Variants in PCDHGB3 observed in about 807,000 individuals in gnomAD.
PCDHGB3 encodes protocadherin gamma subfamily B, 3, also known as protocadherin gamma-B3.
In PCDHGB3, 40 loss-of-function variants were observed where a neutral mutation model predicts 59.2. The observed-to-expected ratio is 0.68, with a 90% CI of 0.52 to 0.88. The LOEUF (loss-of-function observed/expected upper bound fraction) is 0.88, where lower values mean the gene tolerates loss of function less well. Among genes scored for constraint, PCDHGB3 ranks in the 40% least tolerant of loss-of-function variants. PCDHGB3 has a pLI of 0.00. For synonymous variants in PCDHGB3, 581 were observed against 503.6 expected, an observed-to-expected ratio of 1.15 and a Z score of -2.06; for missense variants, 1,309 against 1,187.9, an observed-to-expected ratio of 1.10 and a Z score of -1.50.
rs1590066119 is a variant in PCDHGB3, at chr5:141,417,816, C to G, written c.2415+45007C>G. On this transcript the variant is annotated intron_variant, in intron 1 of 3. Transcript: ENST00000576222. ...CTTTTAGCGCGGTAGAGTGCACTTT[C>G]TCCAACTGGAAAAGCGGGGACCCAG... is the stretch of plus-strand genomic sequence containing the variant. 3 of 1,511,044 alleles carry G rather than the reference C, an allele frequency of 2.0e-6. No homozygotes were observed. The East Asian group carries it at 7.4e-5, about 37-fold the overall frequency. 93.6% of individuals were successfully genotyped at this position (1,511,044 alleles called of 1,614,324 possible).
intron 1 of PCDHGB3, chr5:141,427,749 A>G (rs770208196): frequency 4.6e-6 from 6 of 1,299,142 alleles, no homozygotes; most frequent in South Asian, 2.4e-5. Context: ...CTCCTACTCC[A>G]TCGTTACCAC....
At position 141,372,557 on chromosome 5, in the gene PCDHGB3, C is replaced by T. The variant is rs1157406998; in HGVS notation, c.2163C>T (p.Pro721=). Residue 721 remains proline, a synonymous_variant, in exon 1 of 4, where the codon CCC becomes CCT. Coordinates refer to ENST00000576222, the MANE Select transcript of PCDHGB3 (RefSeq NM_018924.5). ...ISLRLRCSSR[P]ATEGYFQPGV... is the part of the protein sequence containing the mutation. The stretch of plus-strand genomic sequence containing the variant: ...TGCGCCTGCGATGCTCCTCCAGACC[C>T]GCCACTGAGGGCTACTTTCAGCCTG... 5.0e-6 allele frequency: 8 copies of T among 1,614,048 alleles called. No homozygotes were observed. Among genetic ancestry groups the T allele is most frequent in the Admixed American group, 3.3e-5 (2 of 60,032 alleles).
chr5:141,498,251 C>A (rs1277949209), intron 2 of PCDHGB3, among the ~76,000 whole-genome samples: 1 of 152,178 alleles, frequency 6.6e-6, no homozygotes, highest in African/African-American at 2.4e-5. Flanking sequence ...CAAAGCAGGG[C>A]TGGTGTTGAG....
chr5:141,428,031 G>A (rs760882803), intron 1 of PCDHGB3: 6 of 1,607,376 alleles, frequency 3.7e-6, no homozygotes, highest in South Asian at 3.3e-5. Context: ...CGCAGAGTCC[G>A]GCTACCTGGT....
chr5:141,388,626 A>C, intron 1 of PCDHGB3: 1 of 1,613,974 alleles, frequency 6.2e-7, no homozygotes, highest in Non-Finnish European at 8.5e-7. Flanking sequence ...AGACGTATAC[A>C]GGGTGAGCCT....
chr5:141,449,263 AC>A (rs1308401244), intron 1 of PCDHGB3, among the ~76,000 whole-genome samples: 3 of 152,152 alleles, frequency 2.0e-5, no homozygotes, highest in African/African-American at 7.2e-5. Flanking sequence ...TGTACAAAGA[AC>A]TGTATCTCCT....
At position 141,489,077 on chromosome 5, in the gene PCDHGB3, C is replaced by T. The variant is rs957205894; in HGVS notation, c.2416-5730C>T. 7 of 325,682 alleles carry T rather than the reference C, an allele frequency of 2.1e-5. 1 individual carries two copies. Among genetic ancestry groups the T allele is most frequent in the South Asian group, 1.5e-4 (3 of 20,214 alleles). 20.2% of individuals were successfully genotyped at this position (325,682 alleles called of 1,614,324 possible). The stretch of plus-strand genomic sequence containing the variant: ...AGCTCCCCTCCCCCCTGCCCACCCC[C>T]GCCACTCGGTGACTAAGAACTGCTG... On this transcript the variant is annotated intron_variant, in intron 1 of 3. Transcript: ENST00000576222. This position sits in a 1 kb window ranked among gnomAD's most constrained non-coding sequence, Gnocchi z 4.5.
Position 141,485,768 on chromosome 5 carries a change from C to A in PCDHGB3, c.2416-9039C>A, listed in dbSNP as rs759191157. 3.7e-6 allele frequency: 6 copies of A among 1,614,192 alleles called. No individual in the cohort carries two copies. Among genetic ancestry groups the A allele is most frequent in the Middle Eastern group, 1.6e-4 (1 of 6,062 alleles). On this transcript the variant is annotated intron_variant, in intron 1 of 3. Coordinates refer to ENST00000576222, the MANE Select transcript of PCDHGB3 (RefSeq NM_018924.5). The surrounding 1 kb of genome is among the most constrained non-coding windows in gnomAD (Gnocchi z 5.7). ...GGTCCCAGAGCTGCTCCTGGAGAAG[C>A]CTTTGGATCGAGAGAAGCAATCGGA...
Position 141,487,831 on chromosome 5 carries a change from A to G in PCDHGB3, c.2416-6976A>G, listed in dbSNP as rs1001896359. ...TTAGCATTGGGGGCGGGTCATGCCTATATCTGAGTAAGAAATGAAAGTAAT... is the reference window on the plus strand; with the variant it reads ...TTAGCATTGGGGGCGGGTCATGCCTGTATCTGAGTAAGAAATGAAAGTAAT... On this transcript the variant is annotated intron_variant, in intron 1 of 3. Transcript: ENST00000576222. This position sits in a 1 kb window ranked among gnomAD's most constrained non-coding sequence, Gnocchi z 5.0. The G allele has an allele frequency of 1.1e-5, 13 of 1,144,204 alleles. No homozygotes were observed. Among genetic ancestry groups the G allele is most frequent in the Non-Finnish European group, 1.6e-5 (13 of 818,302 alleles). 70.9% of individuals were successfully genotyped at this position (1,144,204 alleles called of 1,614,324 possible). A position where few individuals can be genotyped will look rare whatever the true frequency, so the allele number is the denominator to read the frequency against.
At chr5:141,408,438 C>G (rs749271632) in intron 1 of PCDHGB3, 8 of 1,613,896 alleles carry the variant, frequency 5.0e-6, no homozygotes, top group Non-Finnish European at 5.9e-6. Flanking sequence ...AGCGTAGACG[C>G]GGAGAGCGGG....
intron 1 of PCDHGB3, chr5:141,388,772 C>T (rs747075769): frequency 1.2e-6 from 2 of 1,613,798 alleles, no homozygotes; most frequent in Non-Finnish European, 1.7e-6. Flanking sequence ...ACTCTAACAC[C>T]GGGGAAATTA....
At chr5:141,435,877 G>A (rs1554127514) in intron 1 of PCDHGB3, among the ~76,000 whole-genome samples, 1 of 152,092 alleles carries the variant, frequency 6.6e-6, no homozygotes, top group Non-Finnish European at 1.5e-5. Flanking sequence ...AAAAGAGATT[G>A]GAAACCCCTT....
Position 141,486,595 on chromosome 5 carries a change from T to G in PCDHGB3, c.2416-8212T>G. ...AGAACAATCGCCCAGGGGACCTGCTTTGCTCCCTTGCAGCCTCTGACCCAG... is the reference window on the plus strand; with the variant it reads ...AGAACAATCGCCCAGGGGACCTGCTGTGCTCCCTTGCAGCCTCTGACCCAG... On this transcript the variant is annotated intron_variant, in intron 1 of 3. Coordinates refer to ENST00000576222, the MANE Select transcript of PCDHGB3 (RefSeq NM_018924.5). This position sits in a 1 kb window ranked among gnomAD's most constrained non-coding sequence, Gnocchi z 5.0. The G allele has an allele frequency of 6.2e-7, 1 of 1,613,614 alleles. No homozygotes were observed. Among genetic ancestry groups the G allele is most frequent in the Non-Finnish European group, 8.5e-7 (1 of 1,180,016 alleles).
At chr5:141,387,655 C>T (rs2091029456) in intron 1 of PCDHGB3, 1 of 644,664 alleles carries the variant, frequency 1.6e-6, no homozygotes, top group Admixed American at 3.3e-5. Context: ...AAGTGGAGAG[C>T]TTGGCGCTCC....
chr5:141,405,400 T>C (rs986034251), intron 1 of PCDHGB3: 3 of 1,590,732 alleles, frequency 1.9e-6, no homozygotes, highest in Non-Finnish European at 2.6e-6. Flanking sequence ...TTTTCTTTCT[T>C]TCTTTTCTTT....
intron 1 of PCDHGB3, chr5:141,375,685 C>A (rs1771752072): frequency 6.2e-7 from 1 of 1,614,144 alleles, no homozygotes; most frequent in Non-Finnish European, 8.5e-7. Flanking sequence ...GGGTGACAGC[C>A]AGCGACAGCG....
At position 141,372,426 on chromosome 5, in the gene PCDHGB3, C is replaced by A; in HGVS notation, c.2032C>A (p.Arg678Ser). The part of the protein sequence containing the change: ...LQEIQPDLSD[R>S]PTPSDPQAEL... ...AGAGATACAACCTGACCTTAGCGAC[C>A]GCCCCACTCCCTCTGACCCTCAGGC... The change falls in exon 1 of 4, where the codon CGC (arginine) becomes AGC (serine). Residue 678 changes from arginine to serine, a missense_variant. Coordinates refer to ENST00000576222, the MANE Select transcript of PCDHGB3 (RefSeq NM_018924.5). 1 of 1,614,026 alleles carries A rather than the reference C, an allele frequency of 6.2e-7. No individual in the cohort carries two copies. Among genetic ancestry groups the A allele is most frequent in the Non-Finnish European group, 8.5e-7 (1 of 1,179,890 alleles).
chr5:141,427,087 A>T, intron 1 of PCDHGB3: 1 of 458,198 alleles, frequency 2.2e-6, no homozygotes, highest in Non-Finnish European at 4.4e-6. Flanking sequence ...ACTGACCAGG[A>T]TGAGGGTGTC....
intron 1 of PCDHGB3, chr5:141,419,810 C>G (rs368168278): frequency 1.7e-5 from 27 of 1,613,946 alleles, no homozygotes; most frequent in Non-Finnish European, 2.1e-5. Context: ...AGATGGAGGA[C>G]AGCCACCCCT....
Sources: gnomAD v4.1 joint callset for allele counts (sites outside exome capture counted in the v4.1 genomes callset) on GRCh38, gnomAD v4.1.1 for gene constraint, Gnocchi (gnomAD v3.1) non-coding constraint, MANE v1.5 for transcripts, NCBI Gene and HGNC (gene_info 2026-07-23, HGNC 2026-07-21) for gene names.